RBFOX1: variants seen among roughly 807,000 people sequenced by gnomAD.
RBFOX1 encodes the protein RNA binding protein fox-1 homolog 1.
Under a neutral mutation model 57.7 loss-of-function variants are expected in RBFOX1, and 8 were observed. That is an observed-to-expected ratio of 0.14 (90% CI 0.08 to 0.25). The LOEUF is 0.25. RBFOX1 is among the 10% of genes least tolerant of loss of function. The pLI is 1.00. For missense variants in RBFOX1, 611 were observed against 548.5 expected (o/e 1.11, Z -1.14); for synonymous variants, 326 against 222.4 (o/e 1.47, Z -4.15).
intron 2 of RBFOX1, among the ~76,000 whole-genome samples, chr16:5,569,797 T>C (rs2046216028): frequency 6.6e-6 from 1 of 152,108 alleles, no homozygotes; most frequent in Non-Finnish European, 1.5e-5. Context: ...GAATATGACA[T>C]AAGGGTTATT....
chr16:5,826,290 C>T (rs2056052091), intron 3 of RBFOX1, among the ~76,000 whole-genome samples: 1 of 152,066 alleles, frequency 6.6e-6, no homozygotes, highest in African/African-American at 2.4e-5. Flanking sequence ...TACTGTGCCC[C>T]TCAAGTGTGA....
intron 1 of RBFOX1, among the ~76,000 whole-genome samples, chr16:5,321,913 G>A (rs1356226281): frequency 6.6e-6 from 1 of 152,082 alleles, no homozygotes; most frequent in Non-Finnish European, 1.5e-5. Context: ...GCCTTACGGG[G>A]CACTGATTGC....
intron 4 of RBFOX1, among the ~76,000 whole-genome samples, chr16:5,930,270 G>A (rs1327426031): frequency 4.0e-5 from 5 of 123,964 alleles, no homozygotes; most frequent in Non-Finnish European, 8.6e-5. Flanking sequence ...TGGGTAGGTG[G>A]GAGGGTGAGT....
At chr16:6,484,846 T>C (rs1245938902) in intron 2 of RBFOX1, among the ~76,000 whole-genome samples, 5 of 152,324 alleles carry the variant, frequency 3.3e-5, no homozygotes, top group South Asian at 2.1e-4. Context: ...AATTTACTCA[T>C]TGTTGACATG....
chr16:6,720,958 G>C (rs1020254532), intron 3 of RBFOX1, among the ~76,000 whole-genome samples: 1 of 152,116 alleles, frequency 6.6e-6, no homozygotes, highest in Non-Finnish European at 1.5e-5. Flanking sequence ...TACTGGGACA[G>C]TATTAATTCC....
intron 3 of RBFOX1, among the ~76,000 whole-genome samples, chr16:6,977,033 TATC>T (rs1177362283): frequency 7.1e-6 from 1 of 139,906 alleles, no homozygotes; most frequent in East Asian, 2.1e-4. Context: ...GTATCATATA[TATC>T]ATATATATCA....
At chr16:7,170,445 T>C (rs1040039318) in intron 4 of RBFOX1, among the ~76,000 whole-genome samples, 6 of 152,038 alleles carry the variant, frequency 3.9e-5, no homozygotes, top group African/African-American at 1.4e-4. Flanking sequence ...CTAATTAAAA[T>C]TCTTTTTTTT....
chr16:6,015,468 C>T (rs78359309), upstream of RBFOX1, among the ~76,000 whole-genome samples: 21,303 of 152,206 alleles, frequency 0.14, 1,848 homozygotes, highest in East Asian at 0.32. Context: ...TCTCCACTGC[C>T]TGTGGTAAAG....
chr16:5,727,864 T>A (rs1486155165), intron 3 of RBFOX1, among the ~76,000 whole-genome samples: 1 of 152,168 alleles, frequency 6.6e-6, no homozygotes, highest in Admixed American at 6.5e-5. Context: ...TATTTCAGGT[T>A]TTTTTTGTAG....
chr16:6,894,268 T>A (rs1305396737), intron 3 of RBFOX1, among the ~76,000 whole-genome samples: 1 of 152,218 alleles, frequency 6.6e-6, no homozygotes, highest in Non-Finnish European at 1.5e-5. Context: ...CAGCACAGTT[T>A]CATAATATGT....
At chr16:5,653,612 G>C (rs777170256) in intron 3 of RBFOX1, among the ~76,000 whole-genome samples, 6 of 152,106 alleles carry the variant, frequency 3.9e-5, no homozygotes, top group Admixed American at 3.9e-4. Flanking sequence ...CTCTCCCTCC[G>C]CTAACAGACC....
At chr16:6,912,117 A>C (rs1295635723) in intron 3 of RBFOX1, among the ~76,000 whole-genome samples, 1 of 152,230 alleles carries the variant, frequency 6.6e-6, no homozygotes, top group Non-Finnish European at 1.5e-5. Context: ...TATACTTACT[A>C]GTATTTCAGA....
chr16:6,634,264 T>A (rs895762363), intron 2 of RBFOX1, among the ~76,000 whole-genome samples: 7 of 152,046 alleles, frequency 4.6e-5, no homozygotes, highest in Non-Finnish European at 1.0e-4. Context: ...AAGAAAATGA[T>A]TAGTGCAACA....
chr16:6,899,370 C>A (rs12922029), intron 3 of RBFOX1, among the ~76,000 whole-genome samples: 2 of 151,918 alleles, frequency 1.3e-5, no homozygotes, highest in South Asian at 2.1e-4. Flanking sequence ...TTCTTCTTCC[C>A]TAGGCATTAA....
At chr16:6,028,678 C>G (rs373287900) in intron 1 of RBFOX1, among the ~76,000 whole-genome samples, 1 of 151,938 alleles carries the variant, frequency 6.6e-6, no homozygotes, top group African/African-American at 2.4e-5. Context: ...AAGACCCTAT[C>G]TGTAAAAAAA....
At chr16:6,783,872 C>G (rs1310606731) in intron 3 of RBFOX1, among the ~76,000 whole-genome samples, 1 of 152,074 alleles carries the variant, frequency 6.6e-6, no homozygotes, top group Admixed American at 6.5e-5. Context: ...CTGAGAAAGT[C>G]TTTACTTCTC....
chr16:7,143,092 T>A (rs2074193454), intron 4 of RBFOX1, among the ~76,000 whole-genome samples: 1 of 152,154 alleles, frequency 6.6e-6, no homozygotes, highest in Non-Finnish European at 1.5e-5. Context: ...TCATATAGCA[T>A]TTGACATTTG....
At chr16:7,347,483 G>A (rs929861131) in intron 4 of RBFOX1, among the ~76,000 whole-genome samples, 1 of 152,110 alleles carries the variant, frequency 6.6e-6, no homozygotes, top group African/African-American at 2.4e-5. Context: ...TTCCCACCAG[G>A]TTCCTGTCAT....
intron 2 of RBFOX1, among the ~76,000 whole-genome samples, chr16:6,412,447 T>G (rs2093489566): frequency 6.6e-6 from 1 of 152,228 alleles, no homozygotes; most frequent in African/African-American, 2.4e-5. Context: ...CAATTCACAC[T>G]ATTCATGGAC....
Sources: gnomAD v4.1 joint callset for allele counts (sites outside exome capture counted in the v4.1 genomes callset) on GRCh38, gnomAD v4.1.1 for gene constraint, MANE v1.5 for transcripts, NCBI Gene and HGNC (gene_info 2026-07-23, HGNC 2026-07-21) for gene names.